Variants in TENM3 observed in about 807,000 individuals in gnomAD.
The protein encoded by TENM3 is teneurin transmembrane protein 3.
TENM3 carries 63 observed loss-of-function variants against 255.1 expected under a neutral mutation model. That is an observed-to-expected ratio of 0.25 (90% CI 0.20 to 0.30). TENM3 has a LOEUF of 0.30. TENM3 is among the 10% of genes least tolerant of loss of function. TENM3 has a pLI of 1.00. For missense variants in TENM3, 2,929 were observed against 3,461.1 expected (o/e 0.85, Z 3.86); for synonymous variants, 1,306 against 1,322.3 (o/e 0.99, Z 0.27).
At chr4:182,566,384 A>G (rs1353973538) in intron 3 of TENM3, among the ~76,000 whole-genome samples, 1 of 152,198 alleles carries the variant, frequency 6.6e-6, no homozygotes, top group African/African-American at 2.4e-5. Context: ...CATTGGCTTC[A>G]TGATTGTTTT....
chr4:182,726,657 A>T (rs1015554812), intron 13 of TENM3, among the ~76,000 whole-genome samples: 2 of 152,182 alleles, frequency 1.3e-5, no homozygotes. Flanking sequence ...GGATACGCAA[A>T]CGAAAAGTTT....
chr4:181,714,133 G>A, the TENM3 span, among the ~76,000 whole-genome samples: 1 of 152,148 alleles, frequency 6.6e-6, no homozygotes, highest in African/African-American at 2.4e-5. Flanking sequence ...GTGAGATGGT[G>A]CATTGAAAAT....
At chr4:182,325,492 AT>A (rs1763333378) in intron 2 of TENM3, among the ~76,000 whole-genome samples, 2 of 152,320 alleles carry the variant, frequency 1.3e-5, no homozygotes, top group African/African-American at 4.8e-5. Context: ...ATAGCTTAAC[AT>A]TTTTAATCCG....
At chr4:181,777,371 C>T in the TENM3 span, among the ~76,000 whole-genome samples, 1 of 151,944 alleles carries the variant, frequency 6.6e-6, no homozygotes, top group East Asian at 1.9e-4. Context: ...TCTTTTTGCT[C>T]AGGATTACTT....
intron 3 of TENM3, among the ~76,000 whole-genome samples, chr4:182,398,541 C>T (rs1769006890): frequency 6.6e-6 from 1 of 152,128 alleles, no homozygotes. Context: ...AAAAGTGTCT[C>T]TATGTCTTTC....
the TENM3 span, among the ~76,000 whole-genome samples, chr4:181,893,573 A>G: frequency 7.2e-6 from 1 of 138,486 alleles, no homozygotes; most frequent in Non-Finnish European, 1.5e-5. Context: ...AAATGCAAAG[A>G]TTTTTACTTC....
At chr4:182,366,567 C>T (rs4861507) in intron 3 of TENM3, among the ~76,000 whole-genome samples, 151,718 of 152,240 alleles carry the variant, frequency 1, 75,599 homozygotes, top group Middle Eastern at 1. Context: ...AATAAATATA[C>T]GCTAATCTAC....
At chr4:182,295,267 T>C (rs1237284275) in intron 1 of TENM3, among the ~76,000 whole-genome samples, 1 of 127,106 alleles carries the variant, frequency 7.9e-6, no homozygotes, top group Non-Finnish European at 1.7e-5. Context: ...TTTTCTTTTT[T>C]TTTTTTTTTT....
At chr4:181,758,623 GATTA>G in the TENM3 span, among the ~76,000 whole-genome samples, 1 of 152,148 alleles carries the variant, frequency 6.6e-6, no homozygotes, top group South Asian at 2.1e-4. Flanking sequence ...GAACAGAATA[GATTA>G]ATAAATAAAA....
intron 1 of TENM3, among the ~76,000 whole-genome samples, chr4:182,189,419 A>G (rs1473175745): frequency 2.0e-5 from 3 of 152,130 alleles, no homozygotes; most frequent in African/African-American, 7.2e-5. Flanking sequence ...ATTGCAGCCA[A>G]CCAGAAACAC....
At chr4:182,342,508 A>T (rs1764544886) in intron 2 of TENM3, among the ~76,000 whole-genome samples, 1 of 152,114 alleles carries the variant, frequency 6.6e-6, no homozygotes, top group African/African-American at 2.4e-5. Flanking sequence ...AATTGGTATA[A>T]GGTGTCTTTT....
At chr4:181,828,102 T>C in the TENM3 span, among the ~76,000 whole-genome samples, 1 of 152,214 alleles carries the variant, frequency 6.6e-6, no homozygotes. Context: ...AAGGCAGAGC[T>C]GTTTTCTCTG....
chr4:181,694,899 A>G, the TENM3 span, among the ~76,000 whole-genome samples: 2 of 152,174 alleles, frequency 1.3e-5, no homozygotes, highest in Admixed American at 1.3e-4. Flanking sequence ...TATTATTCCA[A>G]TTGCCTCTCT....
At chr4:182,516,743 T>C (rs78527779) in intron 3 of TENM3, among the ~76,000 whole-genome samples, 11,521 of 151,986 alleles carry the variant, frequency 0.076, 497 homozygotes, top group East Asian at 0.11. Context: ...ATATAAAAAT[T>C]AGCTGGGCGT....
intron 3 of TENM3, among the ~76,000 whole-genome samples, chr4:182,545,919 C>T (rs894679859): frequency 6.6e-6 from 1 of 152,184 alleles, no homozygotes; most frequent in Non-Finnish European, 1.5e-5. Context: ...TCCTCCAAAA[C>T]TTAACCATGA....
chr4:182,446,247 A>T (rs1222991089), intron 3 of TENM3, among the ~76,000 whole-genome samples: 1 of 152,250 alleles, frequency 6.6e-6, no homozygotes, highest in Admixed American at 6.5e-5. Flanking sequence ...ATACATAATT[A>T]GTTTTGTATT....
At chr4:182,575,138 A>T (rs1016531493) in intron 3 of TENM3, among the ~76,000 whole-genome samples, 2 of 152,210 alleles carry the variant, frequency 1.3e-5, no homozygotes, top group African/African-American at 4.8e-5. Flanking sequence ...GAATACAAGT[A>T]AAACTGGAGA....
intron 3 of TENM3, among the ~76,000 whole-genome samples, chr4:182,409,466 C>T (rs149723845): frequency 2.0e-5 from 3 of 152,158 alleles, no homozygotes; most frequent in Admixed American, 6.5e-5. Flanking sequence ...GCTTTGGCTG[C>T]GGTATTTTCC....
chr4:182,665,865 C>T (rs549237807), intron 6 of TENM3, among the ~76,000 whole-genome samples: 1 of 152,152 alleles, frequency 6.6e-6, no homozygotes, highest in African/African-American at 2.4e-5. Flanking sequence ...CACTGCACTC[C>T]AGCCTGGGCG....
Sources: gnomAD v4.1 joint callset for allele counts (sites outside exome capture counted in the v4.1 genomes callset) on GRCh38, gnomAD v4.1.1 for gene constraint, MANE v1.5 for transcripts, NCBI Gene and HGNC (gene_info 2026-07-23, HGNC 2026-07-21) for gene names.